Variants in PDGFD observed in about 807,000 individuals in gnomAD.
PDGFD encodes platelet derived growth factor D.
Under a neutral mutation model 44.7 loss-of-function variants are expected in PDGFD, and 30 were observed. The observed-to-expected ratio is 0.67, with a 90% CI of 0.50 to 0.91. The LOEUF (loss-of-function observed/expected upper bound fraction) is 0.91. PDGFD is among the 40% of genes least tolerant of loss of function. PDGFD has a pLI of 0.00. For missense variants in PDGFD, 445 were observed against 457.8 expected, an observed-to-expected ratio of 0.97 and a Z score of 0.25; for synonymous variants, 173 against 168.4, an observed-to-expected ratio of 1.03 and a Z score of -0.21.
intron 3 of PDGFD, among the ~76,000 whole-genome samples, chr11:103,992,972 A>G (rs1287133315): frequency 1.3e-5 from 2 of 152,132 alleles, no homozygotes; most frequent in Non-Finnish European, 2.9e-5. Context: ...GGTAGATATG[A>G]GAAGGGAGGT....
chr11:104,119,051 A>ATATAT (rs1375159254), intron 1 of PDGFD, among the ~76,000 whole-genome samples: 47 of 412 alleles, frequency 0.11, 23 homozygotes, highest in Non-Finnish European at 0.14. Context: ...TAATATATTG[A>ATATAT]TATATTAATA....
intron 6 of PDGFD, 146 bp from the exon 7 acceptor site, chr11:103,909,965 T>C: frequency 2.1e-6 from 2 of 932,772 alleles, no homozygotes; most frequent in Non-Finnish European, 3.3e-6. Flanking sequence ...AATGCACACG[T>C]TGCTATTAGA....
At chr11:104,114,653 G>A (rs1861605919) in intron 1 of PDGFD, among the ~76,000 whole-genome samples, 2 of 151,862 alleles carry the variant, frequency 1.3e-5, no homozygotes, top group African/African-American at 4.8e-5. Context: ...GATTTTGATT[G>A]GGATTACCAC....
intron 1 of PDGFD, among the ~76,000 whole-genome samples, chr11:104,099,152 C>T (rs1297554383): frequency 6.6e-6 from 1 of 152,114 alleles, no homozygotes; most frequent in Admixed American, 6.6e-5. Flanking sequence ...GCAATCACTA[C>T]CCAGCTAATC....
chr11:103,959,391 C>T (rs1858903284), intron 3 of PDGFD, among the ~76,000 whole-genome samples: 1 of 152,084 alleles, frequency 6.6e-6, no homozygotes, highest in East Asian at 1.9e-4. Flanking sequence ...AGGGGATTTC[C>T]AGAGTCATTT....
At chr11:104,025,797 C>A (rs1371844308) in intron 1 of PDGFD, among the ~76,000 whole-genome samples, 1 of 152,182 alleles carries the variant, frequency 6.6e-6, no homozygotes, top group Non-Finnish European at 1.5e-5. Context: ...ACAAGCATCA[C>A]AGAACCACAG....
At chr11:103,984,367 C>T (rs1160900874) in intron 3 of PDGFD, among the ~76,000 whole-genome samples, 1 of 151,370 alleles carries the variant, frequency 6.6e-6, no homozygotes, top group Non-Finnish European at 1.5e-5. Flanking sequence ...GATGAGAATA[C>T]ATGGACACAT....
chr11:103,949,191 T>C (rs1170613254), intron 3 of PDGFD, among the ~76,000 whole-genome samples: 1 of 151,884 alleles, frequency 6.6e-6, no homozygotes, highest in Non-Finnish European at 1.5e-5. Context: ...TTAGTAGAGA[T>C]GGAGTTTCAC....
intron 1 of PDGFD, among the ~76,000 whole-genome samples, chr11:104,118,449 A>G (rs1861674031): frequency 1.3e-5 from 2 of 151,754 alleles, no homozygotes; most frequent in African/African-American, 2.4e-5. Context: ...ATAACTAACT[A>G]TTGTTTAAGT....
chr11:104,158,751 T>C (rs916775516), intron 1 of PDGFD, among the ~76,000 whole-genome samples: 1 of 152,078 alleles, frequency 6.6e-6, no homozygotes, highest in Admixed American at 6.5e-5. Context: ...GAGAATGGCG[T>C]GAACCGGGAG....
At chr11:104,146,261 C>T (rs973121208) in intron 1 of PDGFD, among the ~76,000 whole-genome samples, 1 of 152,140 alleles carries the variant, frequency 6.6e-6, no homozygotes, top group African/African-American at 2.4e-5. Flanking sequence ...GGAAGACATA[C>T]GTTTGGGAAC....
At position 104,009,103 on chromosome 11, in the gene PDGFD, A is replaced by G. The variant is rs1394764055; in HGVS notation, c.125-8848T>C. ...TTATTTTTGGAAGAGATGCATTTAA[A>G]TGATCCTGCTTAACATCTGGTTTAT... is the stretch of plus-strand genomic sequence containing the variant. On this transcript the variant is annotated intron_variant, in intron 1 of 6. Coordinates refer to ENST00000393158, the MANE Select transcript of PDGFD (RefSeq NM_025208.5). 3.3e-5 allele frequency among the ~76,000 whole-genome samples: 5 copies of G among 152,142 alleles called. No homozygotes were observed. The East Asian group carries it at 5.8e-4, about 18-fold the overall frequency.
intron 1 of PDGFD, among the ~76,000 whole-genome samples, chr11:104,130,224 A>T (rs561971419): frequency 6.6e-6 from 1 of 152,244 alleles, no homozygotes; most frequent in South Asian, 2.1e-4. Flanking sequence ...TTCTAAGGTC[A>T]TTTGTAATCC....
intron 1 of PDGFD, among the ~76,000 whole-genome samples, chr11:104,054,143 A>C (rs561255757): frequency 6.6e-6 from 1 of 152,240 alleles, no homozygotes; most frequent in East Asian, 1.9e-4. Context: ...TAACTGGATT[A>C]CATGTTTATT....
At chr11:103,961,420 A>G (rs143905418) in intron 3 of PDGFD, among the ~76,000 whole-genome samples, 192 of 152,268 alleles carry the variant, frequency 1.3e-3, no homozygotes, top group Non-Finnish European at 2.2e-3. Context: ...GGCTGGAGGA[A>G]GGTCTCAGAA....
chr11:104,073,789 AGTTTGCAGTTACATTGCTGAG>A (rs767811280), intron 1 of PDGFD, among the ~76,000 whole-genome samples: 58 of 152,318 alleles, frequency 3.8e-4, no homozygotes, highest in Non-Finnish European at 5.6e-4. Flanking sequence ...TACATTGGCG[AGTTTGCAGTTACATTGCTGAG>A]GACTGCATAT....
At chr11:103,974,165 C>G (rs260822) in intron 3 of PDGFD, among the ~76,000 whole-genome samples, 88,117 of 151,882 alleles carry the variant, frequency 0.58, 25,888 homozygotes, top group South Asian at 0.67. Flanking sequence ...AGAGAGGCAA[C>G]AAAGGAGTTG....
At chr11:104,018,246 T>C (rs1397247476) in intron 1 of PDGFD, among the ~76,000 whole-genome samples, 1 of 152,080 alleles carries the variant, frequency 6.6e-6, no homozygotes, top group African/African-American at 2.4e-5. Flanking sequence ...AATAGGAGGA[T>C]TTCAATTAAT....
intron 1 of PDGFD, among the ~76,000 whole-genome samples, chr11:104,128,260 C>T (rs542806351): frequency 2.0e-5 from 3 of 152,022 alleles, no homozygotes; most frequent in African/African-American, 7.2e-5. Context: ...AAAGGATATG[C>T]CACCTTGAAT....
Sources: allele counts gnomAD v4.1 joint callset (sites outside exome capture counted in the v4.1 genomes callset), GRCh38; gene constraint gnomAD v4.1.1; transcripts MANE v1.5; gene names NCBI Gene and HGNC (gene_info 2026-07-23, HGNC 2026-07-21).